Variants in KLF8 observed in about 807,000 individuals in gnomAD.
The protein encoded by KLF8 is Krueppel-like factor 8.
A neutral mutation model predicts 18.2 loss-of-function variants in KLF8; 10 were observed. The ratio of observed to expected loss-of-function variants is 0.55; its 90% CI spans 0.34 to 0.93. The LOEUF is 0.93. KLF8 is among the 40% of genes least tolerant of loss of function. The pLI, the probability that KLF8 is intolerant of heterozygous loss-of-function variation, is 0.02. For synonymous variants in KLF8, 109 were observed against 97.3 expected (o/e 1.12, Z -0.71); for missense variants, 264 against 277.9 (o/e 0.95, Z 0.36).
chrX:56,122,123 C>T, the KLF8 span, among the ~76,000 whole-genome samples: 1 of 111,267 alleles, frequency 9.0e-6, no homozygotes, highest in Admixed American at 9.5e-5. Flanking sequence ...TTGTTTTGTG[C>T]CCTGCCTTGT....
the KLF8 span, among the ~76,000 whole-genome samples, chrX:56,043,739 G>GT: frequency 8.9e-6 from 1 of 112,052 alleles, no homozygotes; most frequent in African/African-American, 3.2e-5. Context: ...TTTGCATTGG[G>GT]TTACCCCATG....
chrX:56,248,114 AC>A (rs997985599), intron 1 of KLF8, among the ~76,000 whole-genome samples: 8 of 110,402 alleles, frequency 7.2e-5, no homozygotes, highest in African/African-American at 2.6e-4. Flanking sequence ...ATCTATGAGA[AC>A]ACTTGGACAC....
chrX:55,975,778 C>CT, the KLF8 span, among the ~76,000 whole-genome samples: 21 of 111,002 alleles, frequency 1.9e-4, no homozygotes, highest in Non-Finnish European at 3.2e-4. Flanking sequence ...GAATGGCTGA[C>CT]TTTTTTAAAA....
chrX:55,967,188 A>T, the KLF8 span, among the ~76,000 whole-genome samples: 1 of 111,803 alleles, frequency 8.9e-6, no homozygotes, highest in Admixed American at 9.5e-5. Flanking sequence ...AGATGTGGAT[A>T]GAGAGTTTAT....
At chrX:56,057,455 T>C in the KLF8 span, among the ~76,000 whole-genome samples, 1 of 111,330 alleles carries the variant, frequency 9.0e-6, no homozygotes, top group African/African-American at 3.3e-5. Flanking sequence ...GTCATCAAAG[T>C]GATGTGCGGG....
the KLF8 span, among the ~76,000 whole-genome samples, chrX:56,184,655 C>T: frequency 9.0e-5 from 10 of 111,510 alleles, no homozygotes; most frequent in African/African-American, 2.0e-4. Context: ...CTCACACGGC[C>T]GGGTACTCCT....
intron 3 of KLF8, chrX:56,266,140 C>T (rs923508944): frequency 6.9e-5 from 53 of 764,205 alleles, no homozygotes; most frequent in South Asian, 1.3e-4. Context: ...CATCCACCCT[C>T]GGACTTTTCA....
chrX:56,151,958 A>G, the KLF8 span, among the ~76,000 whole-genome samples: 2 of 111,288 alleles, frequency 1.8e-5, no homozygotes, highest in African/African-American at 3.3e-5. Context: ...GCATAGTACA[A>G]AATACAAATA....
At chrX:56,081,634 T>G in the KLF8 span, among the ~76,000 whole-genome samples, 1 of 112,038 alleles carries the variant, frequency 8.9e-6, no homozygotes, top group Non-Finnish European at 1.9e-5. Context: ...CCTTCTATTA[T>G]GTGGAGAAAG....
the KLF8 span, chrX:55,908,420 G>T: frequency 6.7e-6 from 2 of 296,473 alleles, no homozygotes; most frequent in Non-Finnish European, 1.2e-5. Context: ...TAGTAGATGG[G>T]GTGGAGCCGC....
chrX:56,122,627 G>A, the KLF8 span, among the ~76,000 whole-genome samples: 68 of 111,312 alleles, frequency 6.1e-4, no homozygotes, highest in African/African-American at 2.2e-3. Context: ...GAGAAAAATT[G>A]AGGTTTATTA....
the KLF8 span, among the ~76,000 whole-genome samples, chrX:56,048,504 G>C: frequency 9.0e-6 from 1 of 111,704 alleles, no homozygotes; most frequent in East Asian, 2.8e-4. Context: ...AGTTTTCCCA[G>C]CACCATTTAT....
chrX:55,958,426 C>A, the KLF8 span, among the ~76,000 whole-genome samples: 1 of 111,904 alleles, frequency 8.9e-6, no homozygotes, highest in Non-Finnish European at 1.9e-5. Flanking sequence ...CATATTTTAT[C>A]TGAAGAAGGA....
At chrX:56,073,862 C>T in the KLF8 span, among the ~76,000 whole-genome samples, 1 of 110,091 alleles carries the variant, frequency 9.1e-6, no homozygotes, top group Non-Finnish European at 1.9e-5. Flanking sequence ...TCTCCAGCCT[C>T]AGCCTCCCAA....
chrX:55,940,904 G>A, the KLF8 span, among the ~76,000 whole-genome samples: 21 of 111,822 alleles, frequency 1.9e-4, 1 homozygote, highest in Non-Finnish European at 3.2e-4. Context: ...AACATTCCAT[G>A]CTCATGGGTA....
At chrX:56,107,065 T>C in the KLF8 span, among the ~76,000 whole-genome samples, 2 of 111,833 alleles carry the variant, frequency 1.8e-5, no homozygotes, top group Non-Finnish European at 3.8e-5. Context: ...CAGCAAATAT[T>C]GCTGCCTGAT....
chrX:56,225,706 G>A, the KLF8 span, among the ~76,000 whole-genome samples: 1 of 112,255 alleles, frequency 8.9e-6, no homozygotes, highest in African/African-American at 3.2e-5. Context: ...TATCCTGTGT[G>A]GTAAGTACTA....
chrX:56,229,558 C>T (rs1453604262), upstream of KLF8, among the ~76,000 whole-genome samples: 1 of 111,984 alleles, frequency 8.9e-6, no homozygotes, highest in African/African-American at 3.2e-5. Flanking sequence ...GTGACATAGA[C>T]AACACCAACC....
the KLF8 span, among the ~76,000 whole-genome samples, chrX:56,079,743 T>C: frequency 9.0e-6 from 1 of 110,838 alleles, no homozygotes; most frequent in Non-Finnish European, 1.9e-5. Context: ...ATGTTGACAG[T>C]GAGGTGTTAA....
Sources: allele counts gnomAD v4.1 joint callset (sites outside exome capture counted in the v4.1 genomes callset), GRCh38; gene constraint gnomAD v4.1.1; transcripts MANE v1.5; gene names NCBI Gene and HGNC (gene_info 2026-07-23, HGNC 2026-07-21).